Variants in SYNJ1 observed in about 807,000 individuals in gnomAD.
SYNJ1 encodes the protein synaptojanin 1.
In SYNJ1, 78 loss-of-function variants were observed where a neutral mutation model predicts 168.2. That is an observed-to-expected ratio of 0.46 (90% CI 0.39 to 0.56). The LOEUF (loss-of-function observed/expected upper bound fraction) is 0.56, where lower values mean the gene tolerates loss of function less well. Among genes scored for constraint, SYNJ1 ranks in the 20% least tolerant of loss-of-function variants. The pLI is 0.00. For synonymous variants in SYNJ1, 539 were observed against 548.6 expected (o/e 0.98, Z 0.24); for missense variants, 1,303 against 1,597.6 (o/e 0.82, Z 3.14).
At chr21:32,684,270 T>C (rs2041739270) in intron 9 of SYNJ1, 151 bp from the exon 10 acceptor site, 1 of 666,932 alleles carries the variant, frequency 1.5e-6, no homozygotes, top group African/African-American at 1.8e-5. Flanking sequence ...AATTATACTG[T>C]GAACATCCAT....
intron 2 of SYNJ1, among the ~76,000 whole-genome samples, chr21:32,720,164 G>A (rs2043169273): frequency 6.6e-6 from 1 of 151,652 alleles, no homozygotes; most frequent in African/African-American, 2.4e-5. Flanking sequence ...GCTTGAACCC[G>A]GGAGGCAGAG....
At chr21:32,720,697 T>C (rs1461811132) in intron 2 of SYNJ1, among the ~76,000 whole-genome samples, 2 of 152,246 alleles carry the variant, frequency 1.3e-5, no homozygotes, top group East Asian at 3.8e-4. Flanking sequence ...CTTACTCCCA[T>C]GCTAGCATGT....
chr21:32,639,015 G>A lies in SYNJ1; in HGVS notation c.3808C>T (p.Pro1270Ser). The A allele has an allele frequency of 3.7e-6, 6 of 1,614,158 alleles. No individual in the cohort carries two copies. Among genetic ancestry groups the A allele is most frequent in the Middle Eastern group, 1.6e-4 (1 of 6,062 alleles). The change falls in exon 31 of 33, where the codon CCT becomes TCT. Residue 1270 changes from proline to serine, a missense_variant. Pro to Ser is a moderately conservative substitution (Grantham distance 74). Coordinates refer to ENST00000674351, the MANE Select transcript of SYNJ1 (RefSeq NM_203446.3). ...LQEPLVPVAA[P>S]MPQSGPQPNL... Reference sequence around the variant, plus strand: ...GGCTGGGGGCCAGACTGAGGCATAGGTGCTGCCACAGGGACAAGAGGCTCT... The same window carrying A: ...GGCTGGGGGCCAGACTGAGGCATAGATGCTGCCACAGGGACAAGAGGCTCT...
chr21:32,727,773 C>A (rs1308188004), intron 1 of SYNJ1, 173 bp downstream of exon 1: 1 of 1,352,146 alleles, frequency 7.4e-7, no homozygotes, highest in Non-Finnish European at 9.7e-7. Context: ...CCCCGCACAA[C>A]CAGTGGTCTG....
chr21:32,646,850 G>A (rs1160414229), intron 23 of SYNJ1, among the ~76,000 whole-genome samples: 4 of 152,130 alleles, frequency 2.6e-5, no homozygotes, highest in Non-Finnish European at 4.4e-5. Context: ...CTTGGAGCTG[G>A]GGTGACCCAA....
chr21:32,697,868 T>C (rs1159045905), intron 4 of SYNJ1, among the ~76,000 whole-genome samples: 2 of 152,216 alleles, frequency 1.3e-5, no homozygotes, highest in Non-Finnish European at 2.9e-5. Context: ...CTGCATCTGC[T>C]TGGACTTCTA....
chr21:32,638,789 G>T (rs2039694156), intron 31 of SYNJ1, 119 bp downstream of exon 31: 9 of 970,312 alleles, frequency 9.3e-6, no homozygotes, highest in Non-Finnish European at 1.5e-6. Flanking sequence ...AATATAAAAA[G>T]AAAATTAAAA....
intron 26 of SYNJ1, among the ~76,000 whole-genome samples, chr21:32,644,304 C>G (rs1166440229): frequency 1.3e-5 from 2 of 152,202 alleles, no homozygotes; most frequent in East Asian, 3.8e-4. Flanking sequence ...TTAAGATCTA[C>G]ACACAGGCAA....
intron 2 of SYNJ1, among the ~76,000 whole-genome samples, chr21:32,722,205 A>AAAAATAT (rs1286564956): frequency 7.6e-5 from 5 of 65,728 alleles, no homozygotes; most frequent in African/African-American, 1.2e-4. Context: ...AAAAAAAAAA[A>AAAAATAT]ATATATATAT....
At chr21:32,666,163 G>A (rs767780756) in intron 16 of SYNJ1, 28 bp from the exon 17 acceptor site, 49 of 1,570,466 alleles carry the variant, frequency 3.1e-5, no homozygotes, top group Non-Finnish European at 4.1e-5. Context: ...CTAAATCGCA[G>A]ATTTGAAATT....
intron 3 of SYNJ1, among the ~76,000 whole-genome samples, chr21:32,701,677 A>C (rs2042407728): frequency 6.6e-6 from 1 of 152,106 alleles, no homozygotes. Flanking sequence ...AACAAAAAGG[A>C]GAATGTTCTG....
chr21:32,652,275 G>A (rs845004), intron 22 of SYNJ1, among the ~76,000 whole-genome samples: 124,252 of 151,590 alleles, frequency 0.82, 51,400 homozygotes, highest in African/African-American at 0.95. Flanking sequence ...ATCTCGGCTC[G>A]CTGCAACCTC....
At position 32,688,385 on chromosome 21, in the gene SYNJ1, T is replaced by C. The variant is rs764219821; in HGVS notation, c.790-18A>G. ...GATCCCACCTTAGACAAGAAAAATA[T>C]ATTTAATCAAACCAAAAACCAACAT... On this transcript the variant is annotated intron_variant, in intron 6 of 32. Coordinates refer to ENST00000674351, the MANE Select transcript of SYNJ1 (RefSeq NM_203446.3). 13 of 1,608,116 alleles carry C rather than the reference T, an allele frequency of 8.1e-6. No homozygotes were observed. In the East Asian group the frequency reaches 2.5e-4, roughly 30 times the overall value.
In SYNJ1 at chr21:32,642,080, T is replaced by C; in HGVS notation, c.3517+15A>G. ...CCAGTTTTAAGGGTGAATAGCTACA[T>C]TCAAGTGTTTTTACCTATATTATCT... On this transcript the variant is annotated intron_variant, in intron 28 of 32. Coordinates refer to ENST00000674351, the MANE Select transcript of SYNJ1 (RefSeq NM_203446.3). 6.2e-7 allele frequency: 1 copy of C among 1,614,196 alleles called. No individual in the cohort carries two copies. Among genetic ancestry groups the C allele is most frequent in the African/African-American group, 1.3e-5 (1 of 75,056 alleles).
intron 1 of SYNJ1, among the ~76,000 whole-genome samples, chr21:32,727,216 AT>A (rs1250109105): frequency 6.6e-6 from 1 of 152,180 alleles, no homozygotes; most frequent in Non-Finnish European, 1.5e-5. Context: ...GAAAGGAAAA[AT>A]TTTGAGCGTA....
chr21:32,648,184 C>A (rs2040144116), intron 23 of SYNJ1, among the ~76,000 whole-genome samples: 1 of 152,164 alleles, frequency 6.6e-6, no homozygotes, highest in Admixed American at 6.5e-5. Context: ...TTCTCCTCTA[C>A]TTTTCCATTA....
At chr21:32,724,388 C>T (rs555959866) in intron 2 of SYNJ1, among the ~76,000 whole-genome samples, 102 of 151,816 alleles carry the variant, frequency 6.7e-4, no homozygotes, top group African/African-American at 2.3e-3. Flanking sequence ...CTTGGGAGGC[C>T]GAGGCAGGAG....
intron 6 of SYNJ1, among the ~76,000 whole-genome samples, chr21:32,692,563 AT>A (rs1427575126): frequency 6.6e-6 from 1 of 151,952 alleles, no homozygotes; most frequent in Non-Finnish European, 1.5e-5. Flanking sequence ...GCGACAGAGC[AT>A]CATTCCGTGC....
intron 18 of SYNJ1, among the ~76,000 whole-genome samples, chr21:32,662,991 A>G (rs2040777184): frequency 6.6e-6 from 1 of 152,218 alleles, no homozygotes; most frequent in Non-Finnish European, 1.5e-5. Flanking sequence ...CTCCTGAGCC[A>G]GTGCTTCAAA....
Sources: gnomAD v4.1 joint callset for allele counts (sites outside exome capture counted in the v4.1 genomes callset) on GRCh38, gnomAD v4.1.1 for gene constraint, MANE v1.5 for transcripts, NCBI Gene and HGNC (gene_info 2026-07-23, HGNC 2026-07-21) for gene names.